The following PRKD1 variants were observed in gnomAD, a reference collection of about 807,000 sequenced individuals.
PRKD1 encodes serine/threonine-protein kinase D1.
In PRKD1, 63 loss-of-function variants were observed where a neutral mutation model predicts 95.9. That is an observed-to-expected ratio of 0.66 (90% CI 0.54 to 0.81). PRKD1 has a LOEUF of 0.81. Among genes scored for constraint, PRKD1 ranks in the 30% least tolerant of loss-of-function variants. PRKD1 has a pLI of 0.00. For synonymous variants in PRKD1, 425 were observed against 423.1 expected (o/e 1.00, Z -0.05); for missense variants, 1,048 against 1,165.3 (o/e 0.90, Z 1.47).
chr14:29,800,745 T>C (rs1321559118), intron 1 of PRKD1, among the ~76,000 whole-genome samples: 4 of 152,148 alleles, frequency 2.6e-5, no homozygotes, highest in Admixed American at 2.0e-4. Context: ...ATTTTATAAA[T>C]CTTTCCCTGG....
intron 15 of PRKD1, among the ~76,000 whole-genome samples, chr14:29,598,706 G>C (rs1176151954): frequency 6.6e-6 from 1 of 152,194 alleles, no homozygotes; most frequent in African/African-American, 2.4e-5. Flanking sequence ...TTGTCCTTGA[G>C]AACAACAGTG....
chr14:29,699,054 G>C (rs1465962250), intron 2 of PRKD1, among the ~76,000 whole-genome samples: 1 of 152,070 alleles, frequency 6.6e-6, no homozygotes, highest in African/African-American at 2.4e-5. Context: ...CTATTATATA[G>C]TATTTAATGG....
chr14:29,684,389 C>T (rs1321037780), intron 2 of PRKD1, among the ~76,000 whole-genome samples: 3 of 152,090 alleles, frequency 2.0e-5, no homozygotes, highest in Non-Finnish European at 4.4e-5. Flanking sequence ...CATAGATAAA[C>T]ATTTAGTTAT....
At chr14:29,678,364 C>T (rs368251414) in intron 2 of PRKD1, among the ~76,000 whole-genome samples, 5 of 152,098 alleles carry the variant, frequency 3.3e-5, no homozygotes, top group Admixed American at 6.5e-5. Context: ...TTAGCCATTC[C>T]GTAAGTGGAA....
At chr14:29,814,141 C>T in intron 1 of PRKD1, among the ~76,000 whole-genome samples, 1 of 152,318 alleles carries the variant, frequency 6.6e-6, no homozygotes, top group East Asian at 1.9e-4. Context: ...TCCCTTGCAG[C>T]TTCATTTTAA....
chr14:29,665,962 C>A, intron 3 of PRKD1, 115 bp downstream of exon 3: 1 of 1,156,400 alleles, frequency 8.6e-7, no homozygotes, highest in Non-Finnish European at 1.2e-6. Context: ...TTTCTTTATC[C>A]ACTCATTGGT....
chr14:29,734,484 G>A (rs1886623648), intron 1 of PRKD1, among the ~76,000 whole-genome samples: 1 of 152,050 alleles, frequency 6.6e-6, no homozygotes, highest in Non-Finnish European at 1.5e-5. Flanking sequence ...ATCCTTTCAA[G>A]GCCTATTTTT....
chr14:29,862,904 T>G (rs1892759143), intron 1 of PRKD1, among the ~76,000 whole-genome samples: 1 of 152,212 alleles, frequency 6.6e-6, no homozygotes, highest in African/African-American at 2.4e-5. Context: ...TGGCTGCCTG[T>G]GCTTATGGGG....
At chr14:29,826,676 T>TACAC (rs1891144949) in intron 1 of PRKD1, among the ~76,000 whole-genome samples, 2 of 71,846 alleles carry the variant, frequency 2.8e-5, no homozygotes, top group East Asian at 5.2e-4. Context: ...TATATGTGTA[T>TACAC]ATATATATAC....
At chr14:29,818,128 G>A (rs1890765953) in intron 1 of PRKD1, among the ~76,000 whole-genome samples, 1 of 152,186 alleles carries the variant, frequency 6.6e-6, no homozygotes, top group Non-Finnish European at 1.5e-5. Context: ...GTGTGAAAAT[G>A]AAAGATGACC....
chr14:29,701,550 T>A (rs1884843310), intron 2 of PRKD1, among the ~76,000 whole-genome samples: 1 of 152,246 alleles, frequency 6.6e-6, no homozygotes, highest in Non-Finnish European at 1.5e-5. Flanking sequence ...AGTTCATACA[T>A]GAAAGGCTAC....
rs567641097 is a variant in PRKD1, at chr14:29,706,682, A to G, written c.403+18854T>C. Among the ~76,000 whole-genome samples the G allele has an allele frequency of 5.4e-4, 82 of 152,294 alleles. 1 individual carries two copies. The highest frequency in any genetic ancestry group is 1.5e-3 in the African/African-American group (64 of 41,572). The stretch of plus-strand genomic sequence containing the variant: ...TGTAAGTGGCTTTAGTATCTCATAT[A>G]ATCTTTACCAAAAATCCTATGATAT... On this transcript the variant is annotated intron_variant, in intron 2 of 17. Transcript: ENST00000331968.
chr14:29,792,260 T>A (rs886891417), intron 1 of PRKD1, among the ~76,000 whole-genome samples: 6 of 152,146 alleles, frequency 3.9e-5, no homozygotes, highest in Non-Finnish European at 5.9e-5. Flanking sequence ...TAGATTTATG[T>A]CACAGTAAAA....
intron 6 of PRKD1, 44 bp from the exon 7 acceptor site, chr14:29,636,538 G>C (rs1300288145): frequency 1.3e-6 from 2 of 1,598,496 alleles, no homozygotes; most frequent in Non-Finnish European, 8.6e-7. Flanking sequence ...TGGAATCTTG[G>C]AGCCAGGGCT....
chr14:29,634,397 A>G (rs1594381255), intron 8 of PRKD1, 21 bp downstream of exon 8: 1 of 1,613,838 alleles, frequency 6.2e-7, no homozygotes, highest in Non-Finnish European at 8.5e-7. Context: ...GCAAGAGAAC[A>G]TTGTTCCCTG....
At chr14:29,764,117 T>C (rs1888154374) in intron 1 of PRKD1, among the ~76,000 whole-genome samples, 1 of 152,102 alleles carries the variant, frequency 6.6e-6, no homozygotes. Context: ...CATACGGGTC[T>C]TATCCTAGAG....
intron 1 of PRKD1, among the ~76,000 whole-genome samples, chr14:29,869,338 G>A (rs116347306): frequency 0.011 from 1,642 of 151,932 alleles, 28 homozygotes; most frequent in African/African-American, 0.038. Context: ...AACTACTCAA[G>A]AGGAGGCAGG....
intron 1 of PRKD1, among the ~76,000 whole-genome samples, chr14:29,806,426 T>C (rs184858580): frequency 5.3e-5 from 8 of 151,604 alleles, no homozygotes; most frequent in African/African-American, 1.5e-4. Context: ...CAATGAACCC[T>C]CTCTGCCTGG....
intron 2 of PRKD1, among the ~76,000 whole-genome samples, chr14:29,702,860 C>T (rs1332003301): frequency 1.3e-5 from 2 of 152,160 alleles, no homozygotes; most frequent in African/African-American, 4.8e-5. Flanking sequence ...ATAATGCTCT[C>T]ATCATTCATT....
Sources: allele counts gnomAD v4.1 joint callset (sites outside exome capture counted in the v4.1 genomes callset), GRCh38; gene constraint gnomAD v4.1.1; transcripts MANE v1.5; gene names NCBI Gene and HGNC (gene_info 2026-07-23, HGNC 2026-07-21).